The following NRG1 variants were observed in gnomAD, a reference collection of about 807,000 sequenced individuals.
NRG1 encodes the protein neuregulin 1.
NRG1 carries 18 observed loss-of-function variants against 63.8 expected under a neutral mutation model. The observed-to-expected ratio is 0.28, with a 90% CI of 0.19 to 0.42. The LOEUF (loss-of-function observed/expected upper bound fraction) is 0.42. Ranked by LOEUF, NRG1 falls within the 10% of genes least tolerant of loss-of-function variation. The probability of loss-of-function intolerance (pLI) is 1.00; values close to 1 mark genes in which losing one functional copy is unlikely to be tolerated. For synonymous variants in NRG1, 302 were observed against 301.3 expected (o/e 1.00, Z -0.02); for missense variants, 762 against 814.7 (o/e 0.94, Z 0.79).
intron 1 of NRG1, among the ~76,000 whole-genome samples, chr8:32,351,421 G>T (rs972956207): frequency 6.6e-6 from 1 of 152,094 alleles, no homozygotes; most frequent in Non-Finnish European, 1.5e-5. Context: ...ATCTTTCGGG[G>T]TACTTCGGTC....
At chr8:31,717,007 AG>A (rs2131286197) in intron 1 of NRG1, among the ~76,000 whole-genome samples, 1 of 152,374 alleles carries the variant, frequency 6.6e-6, no homozygotes, top group African/African-American at 2.4e-5. Flanking sequence ...TGGTAATAAA[AG>A]TCACAACCAA....
At chr8:32,540,212 T>TAATACTTAATAC (rs1248172828) in intron 1 of NRG1, among the ~76,000 whole-genome samples, 1 of 152,064 alleles carries the variant, frequency 6.6e-6, no homozygotes, top group African/African-American at 2.4e-5. Context: ...TGGATTAGAT[T>TAATACTTAATAC]TTAATAAAAG....
intron 1 of NRG1, among the ~76,000 whole-genome samples, chr8:32,560,466 T>C (rs1230170474): frequency 1.3e-5 from 2 of 152,314 alleles, no homozygotes; most frequent in East Asian, 1.9e-4. Context: ...ATAGTCTTTG[T>C]TTTTAAGAAT....
intron 1 of NRG1, among the ~76,000 whole-genome samples, chr8:31,895,778 T>A (rs1831531259): frequency 6.6e-6 from 1 of 152,160 alleles, no homozygotes; most frequent in South Asian, 2.1e-4. Flanking sequence ...TTTGGTGGGT[T>A]CTGGGTTTAG....
intron 1 of NRG1, among the ~76,000 whole-genome samples, chr8:32,339,266 T>C (rs913308192): frequency 3.3e-5 from 5 of 152,074 alleles, no homozygotes; most frequent in African/African-American, 7.2e-5. Context: ...GGCAATTCAG[T>C]GGTATTCTAA....
intron 1 of NRG1, among the ~76,000 whole-genome samples, chr8:32,072,125 A>G (rs1825838812): frequency 6.6e-6 from 1 of 152,148 alleles, no homozygotes. Flanking sequence ...GACTCTCGCC[A>G]TTAAATAAAC....
At chr8:32,381,734 G>A (rs779739483) in intron 1 of NRG1, among the ~76,000 whole-genome samples, 1 of 152,076 alleles carries the variant, frequency 6.6e-6, no homozygotes, top group South Asian at 2.1e-4. Context: ...CTCTTAAATA[G>A]TAAAAAATAA....
chr8:32,251,756 G>C (rs1436623465), intron 1 of NRG1, among the ~76,000 whole-genome samples: 1 of 152,164 alleles, frequency 6.6e-6, no homozygotes, highest in South Asian at 2.1e-4. Flanking sequence ...AAACCGGCGT[G>C]AGATGGTATC....
chr8:32,681,667 A>G (rs956665942), intron 5 of NRG1, among the ~76,000 whole-genome samples: 1 of 152,216 alleles, frequency 6.6e-6, no homozygotes, highest in African/African-American at 2.4e-5. Context: ...ATATCTGTAA[A>G]CAAAGTTTCA....
intron 1 of NRG1, among the ~76,000 whole-genome samples, chr8:32,436,064 G>C (rs1226853645): frequency 6.6e-6 from 1 of 152,112 alleles, no homozygotes; most frequent in Non-Finnish European, 1.5e-5. Context: ...ACATACCTGA[G>C]ACTGGGTAAT....
intron 1 of NRG1, among the ~76,000 whole-genome samples, chr8:31,840,960 C>T (rs1826149059): frequency 6.6e-6 from 1 of 152,040 alleles, no homozygotes. Flanking sequence ...TTCATATTGC[C>T]ATGTGTGTTC....
intron 5 of NRG1, chr8:32,647,886 C>G: frequency 6.2e-7 from 1 of 1,614,108 alleles, no homozygotes; most frequent in Non-Finnish European, 8.5e-7. Context: ...CCTGGCCGTG[C>G]CCTGCTGTGC....
chr8:32,390,123 C>T (rs550628271), intron 1 of NRG1, among the ~76,000 whole-genome samples: 6 of 152,136 alleles, frequency 3.9e-5, no homozygotes, highest in Non-Finnish European at 7.4e-5. Context: ...ACTCTGCTTT[C>T]CCATTCTCTA....
chr8:31,712,029 G>T (rs1811810321), intron 1 of NRG1, among the ~76,000 whole-genome samples: 1 of 151,974 alleles, frequency 6.6e-6, no homozygotes, highest in Non-Finnish European at 1.5e-5. Context: ...TACGTTTGTT[G>T]TATCTACTTT....
At chr8:32,421,297 G>A (rs1203183458) in intron 1 of NRG1, among the ~76,000 whole-genome samples, 1 of 151,998 alleles carries the variant, frequency 6.6e-6, no homozygotes, top group Non-Finnish European at 1.5e-5. Flanking sequence ...GTAGGGAAGG[G>A]ACCAATATGA....
At chr8:32,665,799 A>G (rs1170978295) in intron 5 of NRG1, among the ~76,000 whole-genome samples, 2 of 152,200 alleles carry the variant, frequency 1.3e-5, no homozygotes, top group African/African-American at 4.8e-5. Flanking sequence ...TTAGTTGTGT[A>G]TTTAGAACAG....
At chr8:31,645,590 T>C (rs1044551659) in intron 1 of NRG1, among the ~76,000 whole-genome samples, 1 of 152,170 alleles carries the variant, frequency 6.6e-6, no homozygotes, top group Non-Finnish European at 1.5e-5. Context: ...GATACAATTA[T>C]TAGGAAACAG....
intron 1 of NRG1, among the ~76,000 whole-genome samples, chr8:31,668,672 A>C (rs1806798916): frequency 6.6e-6 from 1 of 152,186 alleles, no homozygotes. Flanking sequence ...TGTAACCCTA[A>C]AGTCCTTTTT....
chr8:31,850,153 G>A (rs1440181618), intron 1 of NRG1, among the ~76,000 whole-genome samples: 1 of 152,062 alleles, frequency 6.6e-6, no homozygotes, highest in Non-Finnish European at 1.5e-5. Flanking sequence ...GAAACACCAG[G>A]AGCAATTCCC....
Sources: allele counts gnomAD v4.1 joint callset (sites outside exome capture counted in the v4.1 genomes callset), GRCh38; gene constraint gnomAD v4.1.1; transcripts MANE v1.5; gene names NCBI Gene and HGNC (gene_info 2026-07-23, HGNC 2026-07-21).